USP3: variants seen among roughly 807,000 people sequenced by gnomAD.
USP3 encodes the protein ubiquitin carboxyl-terminal hydrolase 3.
In USP3, 20 loss-of-function variants were observed where a neutral mutation model predicts 72.3. That is an observed-to-expected ratio of 0.28 (90% CI 0.19 to 0.40). USP3 has a LOEUF of 0.40. USP3 is among the 10% of genes least tolerant of loss of function. The probability of loss-of-function intolerance (pLI) is 1.00; values close to 1 mark genes in which losing one functional copy is unlikely to be tolerated. For synonymous variants in USP3, 222 were observed against 225.3 expected (o/e 0.99, Z 0.13); for missense variants, 479 against 633.9 (o/e 0.76, Z 2.62).
In USP3 at chr15:63,537,120, CA is replaced by C; in HGVS notation, c.249del (p.Val84TyrfsTer59). 1 of 1,614,024 alleles carries C rather than the reference CA, an allele frequency of 6.2e-7. No individual in the cohort carries two copies. Among genetic ancestry groups the C allele is most frequent in the Non-Finnish European group, 8.5e-7 (1 of 1,179,958 alleles). The part of the protein sequence containing the change: ...KSEKQDKVQH[T>X]VCMDCSSYST... The stretch of plus-strand genomic sequence containing the variant: ...GAAAAGCAAGATAAAGTTCAGCACA[CA>C]GTATGTATGGATTGCAGTAGCTACA... On this transcript the variant is annotated frameshift_variant, in exon 3 of 15. Coordinates refer to ENST00000380324, the MANE Select transcript of USP3 (RefSeq NM_006537.4). LOFTEE classifies it high-confidence loss of function.
At chr15:63,520,842 C>T (rs772950600) in intron 1 of USP3, among the ~76,000 whole-genome samples, 30 of 152,172 alleles carry the variant, frequency 2.0e-4, no homozygotes, top group Non-Finnish European at 3.5e-4. Context: ...GGATTACAGG[C>T]ATGAGCCACC....
At chr15:63,550,275 C>T (rs1287544164) in intron 3 of USP3, among the ~76,000 whole-genome samples, 1 of 152,200 alleles carries the variant, frequency 6.6e-6, no homozygotes, top group African/African-American at 2.4e-5. Context: ...AGCTCGGCCT[C>T]CCAAAGTGCT....
intron 11 of USP3, among the ~76,000 whole-genome samples, chr15:63,585,640 T>C (rs1196578880): frequency 2.0e-5 from 3 of 152,182 alleles, no homozygotes; most frequent in African/African-American, 2.4e-5. Context: ...GTCCAACTTA[T>C]AAATCCTTCT....
At chr15:63,511,489 G>C (rs969898934) in intron 1 of USP3, among the ~76,000 whole-genome samples, 2 of 152,046 alleles carry the variant, frequency 1.3e-5, no homozygotes, top group South Asian at 2.1e-4. Context: ...TGGCAAGTTG[G>C]AACAAGGAAT....
intron 9 of USP3, among the ~76,000 whole-genome samples, 179 bp from the exon 10 acceptor site, chr15:63,573,867 T>C (rs1038404923): frequency 2.6e-5 from 4 of 152,222 alleles, no homozygotes; most frequent in African/African-American, 4.8e-5. Flanking sequence ...ACCTTTTATT[T>C]AGTATGTGTC....
intron 1 of USP3, among the ~76,000 whole-genome samples, chr15:63,516,902 C>G (rs1196313154): frequency 6.6e-6 from 1 of 151,478 alleles, no homozygotes; most frequent in Non-Finnish European, 1.5e-5. Context: ...CTCCTCCCCC[C>G]ATACTTATAT....
At chr15:63,512,116 C>T (rs142014613) in intron 1 of USP3, among the ~76,000 whole-genome samples, 3,983 of 151,888 alleles carry the variant, frequency 0.026, 156 homozygotes, top group African/African-American at 0.09. Flanking sequence ...CCACCATACC[C>T]GGCTAATTTT....
Position 63,504,627 on chromosome 15 carries a change from C to A in USP3, c.-113C>A, listed in dbSNP as rs548049352. On this transcript the variant is annotated 5_prime_UTR_variant, in exon 1 of 15. Coordinates refer to ENST00000380324, the MANE Select transcript of USP3 (RefSeq NM_006537.4). The stretch of plus-strand genomic sequence containing the variant: ...ACGCAAGGGCTCGAGACGCAGCCGC[C>A]GTCGGCCGAGCGCCCGGCTAGAAGC... 3.3e-6 allele frequency: 3 copies of A among 895,754 alleles called. No homozygotes were observed. In the South Asian group the frequency reaches 5.7e-5, roughly 17 times the overall value. 55.5% of individuals were successfully genotyped at this position (895,754 alleles called of 1,614,324 possible).
chr15:63,564,003 G>A (rs1431521201), intron 8 of USP3, among the ~76,000 whole-genome samples: 1 of 152,104 alleles, frequency 6.6e-6, no homozygotes, highest in Non-Finnish European at 1.5e-5. Flanking sequence ...CTCCTGTCAG[G>A]AAAAACATAA....
chr15:63,505,614 C>CT (rs1318476642), intron 1 of USP3, among the ~76,000 whole-genome samples: 1 of 152,096 alleles, frequency 6.6e-6, no homozygotes, highest in African/African-American at 2.4e-5. Context: ...TTATATAAGG[C>CT]TTTTGAGTAG....
chr15:63,558,512 A>C (rs1161288236), intron 6 of USP3, among the ~76,000 whole-genome samples: 1 of 152,128 alleles, frequency 6.6e-6, no homozygotes, highest in Non-Finnish European at 1.5e-5. Context: ...GCCTGATAGT[A>C]AACATTTTAG....
At chr15:63,513,589 G>C (rs2065816976) in intron 1 of USP3, among the ~76,000 whole-genome samples, 1 of 151,982 alleles carries the variant, frequency 6.6e-6, no homozygotes, top group Non-Finnish European at 1.5e-5. Flanking sequence ...ATGTTACCCA[G>C]GTCTTGAACT....
chr15:63,591,964 G>C lies in USP3; in HGVS notation c.*1138G>C, dbSNP rs2067209565. 1 of 152,228 alleles carries C rather than the reference G, an allele frequency of 6.6e-6. No individual in the cohort carries two copies. 9.4% of individuals were successfully genotyped at this position (152,228 alleles called of 1,614,324 possible). On this transcript the variant is annotated 3_prime_UTR_variant, in exon 15 of 15. Transcript: ENST00000380324. ...GAGTCTCTCTCTGTTGCCCAGGCTG[G>C]AGTGCAGTGGCACGATCTCAGCTCA...
Position 63,559,827 on chromosome 15 carries a change from T to A in USP3, c.534-30T>A, listed in dbSNP as rs1180778644. Reference sequence around the variant, plus strand: ...CTTTACAGTCCTATTCTTTTCTTTTTAAAATATTTTTCCCTTCCTTTTAAA... The same window carrying A: ...CTTTACAGTCCTATTCTTTTCTTTTAAAAATATTTTTCCCTTCCTTTTAAA... On this transcript the variant is annotated intron_variant, in intron 6 of 14. Coordinates refer to ENST00000380324, the MANE Select transcript of USP3 (RefSeq NM_006537.4). 4.5e-6 allele frequency: 7 copies of A among 1,569,538 alleles called. No individual in the cohort carries two copies. The East Asian group carries it at 9.4e-5, about 21-fold the overall frequency.
At chr15:63,569,302 G>A (rs750938697) in intron 8 of USP3, among the ~76,000 whole-genome samples, 1 of 152,138 alleles carries the variant, frequency 6.6e-6, no homozygotes, top group Non-Finnish European at 1.5e-5. Flanking sequence ...AGAAATACTT[G>A]AACACATATA....
chr15:63,574,717 T>C lies in USP3; in HGVS notation c.1096+314T>C, dbSNP rs1190772970. On this transcript the variant is annotated intron_variant, in intron 11 of 14. Transcript: ENST00000380324. The surrounding 1 kb of genome is among the most constrained non-coding windows in gnomAD (Gnocchi z 4.6). Reference sequence around the variant, plus strand: ...AGAAGTTATTCTGTGGTTATCCCACTAGCATCTATAGGAAGAAAGAATACT... The same window carrying C: ...AGAAGTTATTCTGTGGTTATCCCACCAGCATCTATAGGAAGAAAGAATACT... 1.3e-5 allele frequency among the ~76,000 whole-genome samples: 2 copies of C among 152,246 alleles called. No individual in the cohort carries two copies. Among genetic ancestry groups the C allele is most frequent in the African/African-American group, 4.8e-5 (2 of 41,470 alleles).
At chr15:63,565,457 T>G (rs1412961963) in intron 8 of USP3, among the ~76,000 whole-genome samples, 1 of 152,228 alleles carries the variant, frequency 6.6e-6, no homozygotes, top group Admixed American at 6.5e-5. Flanking sequence ...TACTTTAAAG[T>G]GTATTTTCTT....
rs375638595 is a variant in USP3 at position 63,504,720 on chromosome 15, C to T, written c.-20C>T. 1.9e-6 allele frequency: 3 copies of T among 1,593,440 alleles called. No homozygotes were observed. The highest frequency in any genetic ancestry group is 2.7e-5 in the African/African-American group (2 of 73,762). On this transcript the variant is annotated 5_prime_UTR_variant, in exon 1 of 15. Transcript: ENST00000380324. ...CCGGGTCCTGGAGCCGCAGTCCTCC[C>T]AGCTGCCCTCCTCGTGGCCATGGAG... is the stretch of plus-strand genomic sequence containing the variant.
chr15:63,586,922 A>C (rs2067077779), intron 11 of USP3, among the ~76,000 whole-genome samples: 3 of 152,180 alleles, frequency 2.0e-5, no homozygotes, highest in African/African-American at 7.2e-5. Context: ...TACTAGGATC[A>C]GGCAACAAAG....
Sources: allele counts gnomAD v4.1 joint callset (sites outside exome capture counted in the v4.1 genomes callset), GRCh38; gene constraint gnomAD v4.1.1; non-coding constraint Gnocchi (gnomAD v3.1); transcripts MANE v1.5; gene names NCBI Gene and HGNC (gene_info 2026-07-23, HGNC 2026-07-21).